Variants in RNF150 observed in about 807,000 individuals in gnomAD.
The protein encoded by RNF150 is ring finger protein 150.
Under a neutral mutation model 39.3 loss-of-function variants are expected in RNF150, and 24 were observed. That is an observed-to-expected ratio of 0.61 (90% CI 0.44 to 0.86). The LOEUF (loss-of-function observed/expected upper bound fraction) is 0.86. Ranked by LOEUF, RNF150 falls within the 40% of genes least tolerant of loss-of-function variation. The pLI, the probability that RNF150 is intolerant of heterozygous loss-of-function variation, is 0.00. For missense variants in RNF150, 502 were observed against 587.8 expected, an observed-to-expected ratio of 0.85 and a Z score of 1.51; for synonymous variants, 255 against 227.3, an observed-to-expected ratio of 1.12 and a Z score of -1.10.
rs553225293 is a variant in RNF150 at position 140,859,964 on chromosome 4, A to G, written c.*8297T>C. 3.9e-5 allele frequency: 6 copies of G among 152,298 alleles called. No homozygotes were observed. In the South Asian group the frequency reaches 8.3e-4, roughly 21 times the overall value. The allele number at this position is 152,298 out of a possible 1,614,324, so 9.4% of individuals were successfully genotyped here. On this transcript the variant is annotated 3_prime_UTR_variant, in exon 7 of 7. Coordinates refer to ENST00000515673, the MANE Select transcript of RNF150 (RefSeq NM_020724.2). ...GCACTTATTTACATGATAGTCTTCT[A>G]TATAACAAAAATAACCATGTTGTAA...
chr4:141,179,177 A>G (rs915287229), intron 1 of RNF150, among the ~76,000 whole-genome samples: 1 of 152,150 alleles, frequency 6.6e-6, no homozygotes, highest in African/African-American at 2.4e-5. Flanking sequence ...ATATCTCAAG[A>G]GTGTAGCACC....
chr4:141,050,870 C>A (rs898490853), intron 1 of RNF150, among the ~76,000 whole-genome samples: 4 of 152,234 alleles, frequency 2.6e-5, no homozygotes, highest in Non-Finnish European at 4.4e-5. Context: ...CACAGCTCCA[C>A]TAGGTAGTGC....
At position 141,011,614 on chromosome 4, in the gene RNF150, C is replaced by G. The variant is rs1222305638; in HGVS notation, c.485-43741G>C. Among the ~76,000 whole-genome samples the G allele has an allele frequency of 2.0e-5, 3 of 152,204 alleles. No homozygotes were observed. The East Asian group carries it at 5.8e-4, about 29-fold the overall frequency. On this transcript the variant is annotated intron_variant, in intron 1 of 6. Coordinates refer to ENST00000515673, the MANE Select transcript of RNF150 (RefSeq NM_020724.2). The stretch of plus-strand genomic sequence containing the variant: ...TCATTTTATCATTGTGTGAGATGGA[C>G]TTGGGTAACACCCCAAAGCTCCTAA...
At chr4:140,950,112 T>C (rs573659443) in intron 2 of RNF150, among the ~76,000 whole-genome samples, 2 of 152,204 alleles carry the variant, frequency 1.3e-5, no homozygotes, top group East Asian at 1.9e-4. Context: ...GATAGGGTGG[T>C]GAGTAAATTA....
In RNF150 at chr4:140,866,241, T is replaced by G. The variant is rs1054102133; in HGVS notation, c.*2020A>C. The G allele has an allele frequency of 6.6e-6, 1 of 152,236 alleles. No individual in the cohort carries two copies. Among genetic ancestry groups the G allele is most frequent in the African/African-American group, 2.4e-5 (1 of 41,460 alleles). The allele number at this position is 152,236 out of a possible 1,614,324, so 9.4% of individuals were successfully genotyped here. On this transcript the variant is annotated 3_prime_UTR_variant, in exon 7 of 7. Coordinates refer to ENST00000515673, the MANE Select transcript of RNF150 (RefSeq NM_020724.2). ...ACCTCCCCAAGCTACGAAGCCTGAT[T>G]GCCACAAGTCATAGCTATCTGCAAA... is the stretch of plus-strand genomic sequence containing the variant.
At chr4:141,058,747 C>T (rs1290357625) in intron 1 of RNF150, among the ~76,000 whole-genome samples, 10 of 152,156 alleles carry the variant, frequency 6.6e-5, no homozygotes, top group Admixed American at 6.5e-4. Context: ...TAGCATGGGG[C>T]TTGCTGTACA....
intron 1 of RNF150, 38 bp from the exon 2 acceptor site, chr4:140,967,911 G>A: frequency 6.3e-7 from 1 of 1,597,400 alleles, no homozygotes; most frequent in Non-Finnish European, 8.6e-7. Flanking sequence ...ATAAAGGTTA[G>A]GGGATAAGAT....
At chr4:140,951,636 T>A (rs947533418) in intron 2 of RNF150, among the ~76,000 whole-genome samples, 1 of 150,182 alleles carries the variant, frequency 6.7e-6, no homozygotes, top group Non-Finnish European at 1.5e-5. Flanking sequence ...AAGTGATACA[T>A]ATTGTAAGGT....
chr4:141,200,843 G>A (rs1287340952), intron 1 of RNF150, among the ~76,000 whole-genome samples: 2 of 152,102 alleles, frequency 1.3e-5, no homozygotes, highest in Non-Finnish European at 2.9e-5. Context: ...TTTCAGTTCT[G>A]GCTTACCATT....
At chr4:141,100,772 T>C (rs1450797449) in intron 1 of RNF150, among the ~76,000 whole-genome samples, 2 of 152,216 alleles carry the variant, frequency 1.3e-5, no homozygotes, top group African/African-American at 2.4e-5. Context: ...CTAGATGGAA[T>C]AGCCTATCAC....
At chr4:140,979,559 A>T (rs1476562821) in intron 1 of RNF150, among the ~76,000 whole-genome samples, 1 of 151,912 alleles carries the variant, frequency 6.6e-6, no homozygotes, top group Non-Finnish European at 1.5e-5. Context: ...ATCATCATCA[A>T]CATTTATCAA....
At chr4:141,002,806 G>A (rs141733458) in intron 1 of RNF150, among the ~76,000 whole-genome samples, 12 of 152,240 alleles carry the variant, frequency 7.9e-5, no homozygotes, top group Admixed American at 1.3e-4. Context: ...CCTGGGTAGC[G>A]CACATTCCCT....
chr4:141,078,876 C>CATATATACACATACAT (rs1161202001), intron 1 of RNF150, among the ~76,000 whole-genome samples: 2 of 145,242 alleles, frequency 1.4e-5, no homozygotes, highest in African/African-American at 5.2e-5. Flanking sequence ...TATATACACA[C>CATATATACACATACAT]ATATATACAC....
At chr4:141,072,230 G>A (rs1008816120) in intron 1 of RNF150, among the ~76,000 whole-genome samples, 1 of 152,174 alleles carries the variant, frequency 6.6e-6, no homozygotes, top group African/African-American at 2.4e-5. Flanking sequence ...TATTATGAAA[G>A]AGCCAGGTAA....
chr4:141,068,937 T>G (rs1257691928), intron 1 of RNF150, among the ~76,000 whole-genome samples: 1 of 142,584 alleles, frequency 7.0e-6, no homozygotes, highest in African/African-American at 2.6e-5. Context: ...TGAAGTTGCT[T>G]ATCAGCTTAA....
At chr4:141,053,732 C>A (rs751311245) in intron 1 of RNF150, 3 of 1,371,904 alleles carry the variant, frequency 2.2e-6, no homozygotes, top group Non-Finnish European at 2.8e-6. Flanking sequence ...GACATTAAAC[C>A]TGTGAACAAC....
At chr4:141,065,206 G>T (rs1057396934) in intron 1 of RNF150, among the ~76,000 whole-genome samples, 1 of 152,134 alleles carries the variant, frequency 6.6e-6, no homozygotes, top group African/African-American at 2.4e-5. Context: ...CATAGGGCTT[G>T]ATGTCTCCAG....
intron 1 of RNF150, among the ~76,000 whole-genome samples, chr4:141,008,748 T>C (rs1187142530): frequency 6.6e-6 from 1 of 152,200 alleles, no homozygotes; most frequent in African/African-American, 2.4e-5. Flanking sequence ...TGCCATGTTG[T>C]TGTTCCCTCT....
At chr4:140,876,625 C>T (rs913399053) in intron 6 of RNF150, among the ~76,000 whole-genome samples, 1 of 152,212 alleles carries the variant, frequency 6.6e-6, no homozygotes, top group East Asian at 1.9e-4. Context: ...ATATATCACA[C>T]GTCACCCTCA....
Sources: allele counts gnomAD v4.1 joint callset (sites outside exome capture counted in the v4.1 genomes callset), GRCh38; gene constraint gnomAD v4.1.1; transcripts MANE v1.5; gene names NCBI Gene and HGNC (gene_info 2026-07-23, HGNC 2026-07-21).